The following RHOU variants were observed in gnomAD, a reference collection of about 807,000 sequenced individuals.
The protein encoded by RHOU is rho-related GTP-binding protein RhoU.
In RHOU, 8 loss-of-function variants were observed where a neutral mutation model predicts 12.6. The observed-to-expected ratio is 0.64, with a 90% CI of 0.37 to 1.15. The LOEUF (loss-of-function observed/expected upper bound fraction) is 1.15. Ranked by LOEUF, RHOU falls within the 50% of genes most tolerant of loss-of-function variation. The probability of loss-of-function intolerance (pLI) is 0.01; values close to 1 mark genes in which losing one functional copy is unlikely to be tolerated. For synonymous variants in RHOU, 161 were observed against 147.4 expected (o/e 1.09, Z -0.67); for missense variants, 258 against 347.0 (o/e 0.74, Z 2.04).
the RHOU span, among the ~76,000 whole-genome samples, chr1:228,697,071 C>T: frequency 6.6e-6 from 1 of 152,160 alleles, no homozygotes; most frequent in Non-Finnish European, 1.5e-5. Flanking sequence ...GGCTCAGGAT[C>T]ACATTGCCAG....
chr1:228,726,116 T>A, the RHOU span, among the ~76,000 whole-genome samples: 1 of 152,192 alleles, frequency 6.6e-6, no homozygotes, highest in Admixed American at 6.5e-5. Flanking sequence ...TTATGCACAC[T>A]GTTATTTTTC....
At chr1:228,661,382 A>C in the RHOU span, among the ~76,000 whole-genome samples, 1 of 152,224 alleles carries the variant, frequency 6.6e-6, no homozygotes, top group Non-Finnish European at 1.5e-5. Flanking sequence ...GACAATCTTA[A>C]GCAAAAAGAA....
At chr1:228,742,312 C>G (rs998493363) in intron 2 of RHOU, among the ~76,000 whole-genome samples, 1 of 152,202 alleles carries the variant, frequency 6.6e-6, no homozygotes, top group African/African-American at 2.4e-5. Flanking sequence ...AGCCAAATCC[C>G]CTCGCCTGCC....
the RHOU span, among the ~76,000 whole-genome samples, chr1:228,682,995 C>T: frequency 2.0e-5 from 3 of 152,186 alleles, no homozygotes; most frequent in African/African-American, 7.2e-5. Flanking sequence ...GAGCCCCATA[C>T]TGTATATCTT....
the RHOU span, among the ~76,000 whole-genome samples, chr1:228,663,625 CTTTTTTTTTT>C: frequency 5.1e-5 from 3 of 58,762 alleles, no homozygotes; most frequent in East Asian, 4.8e-4. Flanking sequence ...CTTTTCTTTT[CTTTTTTTTTT>C]TTTTTTTTTT....
chr1:228,659,966 CAAA>C, the RHOU span, among the ~76,000 whole-genome samples: 12 of 76,724 alleles, frequency 1.6e-4, no homozygotes, highest in African/African-American at 5.8e-4. Context: ...AAAAAAAAAA[CAAA>C]AAAAAAAAAA....
the RHOU span, among the ~76,000 whole-genome samples, chr1:228,728,390 A>G: frequency 2.8e-4 from 42 of 152,232 alleles, no homozygotes; most frequent in African/African-American, 1.0e-3. Flanking sequence ...CAGTTCAGTT[A>G]GTTAAAATAT....
the RHOU span, among the ~76,000 whole-genome samples, chr1:228,662,742 A>G: frequency 1.3e-5 from 2 of 152,230 alleles, no homozygotes; most frequent in South Asian, 4.2e-4. Context: ...ATGACGAGCT[A>G]ATGGATGCAG....
chr1:228,724,842 C>T, the RHOU span, among the ~76,000 whole-genome samples: 2 of 152,152 alleles, frequency 1.3e-5, no homozygotes, highest in African/African-American at 4.8e-5. Context: ...GGCATGGGTG[C>T]TCTTTCATTA....
At chr1:228,740,175 C>CACTTT (rs1395576720) in intron 2 of RHOU, among the ~76,000 whole-genome samples, 1 of 152,158 alleles carries the variant, frequency 6.6e-6, no homozygotes, top group Non-Finnish European at 1.5e-5. Context: ...GCACAAGCAT[C>CACTTT]ACTTTAGTAG....
the RHOU span, among the ~76,000 whole-genome samples, chr1:228,694,577 G>A: frequency 1.3e-5 from 2 of 152,132 alleles, no homozygotes; most frequent in Admixed American, 1.3e-4. Flanking sequence ...GCAGTGTTTG[G>A]TTTTCTGTTC....
chr1:228,657,319 TA>T, the RHOU span, among the ~76,000 whole-genome samples: 21 of 74,158 alleles, frequency 2.8e-4, no homozygotes, highest in East Asian at 7.4e-4. Flanking sequence ...AGAAAAAGAA[TA>T]AAAAAAAAAG....
chr1:228,687,472 A>G, the RHOU span: 2 of 1,567,946 alleles, frequency 1.3e-6, no homozygotes, highest in East Asian at 2.2e-5. Flanking sequence ...GAGAGGGAAC[A>G]TGCTGAGAAA....
the RHOU span, among the ~76,000 whole-genome samples, chr1:228,707,770 T>C: frequency 0.53 from 80,223 of 152,042 alleles, 23,933 homozygotes; most frequent in African/African-American, 0.84. Context: ...TCCAAAGGAA[T>C]GCAGTTCCTC....
At chr1:228,707,239 A>ATATATACATATATATATACATATG in the RHOU span, among the ~76,000 whole-genome samples, 2 of 86,176 alleles carry the variant, frequency 2.3e-5, no homozygotes, top group African/African-American at 6.2e-5. Flanking sequence ...ACATATGTAT[A>ATATATACATATATATATACATATG]TATATATATA....
chr1:228,732,940 A>C (rs1044855746), upstream of RHOU, among the ~76,000 whole-genome samples: 1 of 152,262 alleles, frequency 6.6e-6, no homozygotes, highest in Non-Finnish European at 1.5e-5. Flanking sequence ...CCATAAACTT[A>C]AACAAAATAC....
At chr1:228,654,114 AT>A in the RHOU span, among the ~76,000 whole-genome samples, 1,773 of 146,484 alleles carry the variant, frequency 0.012, 15 homozygotes, top group Middle Eastern at 0.042. Flanking sequence ...AAACTAGCTG[AT>A]TTTTTTTTTT....
At chr1:228,646,659 G>C in the RHOU span, among the ~76,000 whole-genome samples, 2 of 147,258 alleles carry the variant, frequency 1.4e-5, no homozygotes, top group Admixed American at 6.8e-5. Context: ...CACTAGAGGC[G>C]GCGGCCTGAT....
chr1:228,664,792 A>G, the RHOU span, among the ~76,000 whole-genome samples: 3 of 151,936 alleles, frequency 2.0e-5, no homozygotes, highest in African/African-American at 7.3e-5. Context: ...TGCCACCATG[A>G]CCGGCTAATT....
Sources: allele counts gnomAD v4.1 joint callset (sites outside exome capture counted in the v4.1 genomes callset), GRCh38; gene constraint gnomAD v4.1.1; transcripts MANE v1.5; gene names NCBI Gene and HGNC (gene_info 2026-07-23, HGNC 2026-07-21).